TNIP3: variants seen among roughly 807,000 people sequenced by gnomAD.
The protein encoded by TNIP3 is TNFAIP3 interacting protein 3, also known as TNFAIP3-interacting protein 3.
TNIP3 carries 34 observed loss-of-function variants against 54.1 expected under a neutral mutation model. That is an observed-to-expected ratio of 0.63 (90% CI 0.48 to 0.84). TNIP3 has a LOEUF of 0.84. TNIP3 is among the 40% of genes least tolerant of loss of function. TNIP3 has a pLI of 0.00. For synonymous variants in TNIP3, 134 were observed against 136.8 expected, an observed-to-expected ratio of 0.98 and a Z score of 0.14; for missense variants, 366 against 387.6, an observed-to-expected ratio of 0.94 and a Z score of 0.47.
At chr4:121,222,916 C>T (rs538165584) in intron 1 of TNIP3, among the ~76,000 whole-genome samples, 31 of 150,184 alleles carry the variant, frequency 2.1e-4, no homozygotes, top group Admixed American at 1.0e-3. Flanking sequence ...CGCTATTCTC[C>T]TGCCTCAGCC....
At chr4:121,200,665 G>A (rs1725834982) in intron 2 of TNIP3, among the ~76,000 whole-genome samples, 1 of 152,068 alleles carries the variant, frequency 6.6e-6, no homozygotes, top group Non-Finnish European at 1.5e-5. Flanking sequence ...AAAGCTATTG[G>A]TTTAATGATC....
upstream of TNIP3, among the ~76,000 whole-genome samples, chr4:121,219,276 T>A (rs1037847849): frequency 2.6e-5 from 4 of 152,162 alleles, no homozygotes; most frequent in Non-Finnish European, 5.9e-5. Flanking sequence ...CCTCTGAAGC[T>A]AAAAGCAAAC....
chr4:121,161,873 T>G (rs995649868), intron 1 of TNIP3, among the ~76,000 whole-genome samples: 1 of 152,200 alleles, frequency 6.6e-6, no homozygotes, highest in Non-Finnish European at 1.5e-5. Context: ...GAGTATTCAT[T>G]TAAAGATAAC....
chr4:121,200,980 T>A (rs934267248), intron 2 of TNIP3, among the ~76,000 whole-genome samples: 13 of 152,134 alleles, frequency 8.5e-5, no homozygotes, highest in African/African-American at 2.9e-4. Flanking sequence ...CAATTTTTGG[T>A]AAGATACTCT....
chr4:121,147,059 A>G lies in TNIP3; in HGVS notation c.725T>C (p.Leu242Pro). The G allele has an allele frequency of 1.2e-6, 2 of 1,611,884 alleles. No homozygotes were observed. The highest frequency in any genetic ancestry group is 1.3e-5 in the African/African-American group (1 of 74,904). ...TGTTTTGACTTGTACCTGGGAATTC[A>G]GCCTGTTCAACTGGGATTGGGAAGT... Reference protein sequence around the residue: ...NETSQSQLNRLNSQIKACQME... With the variant: ...NETSQSQLNRPNSQIKACQME... The change falls in exon 7 of 11, where the codon CTG becomes CCG. Residue 242 changes from leucine to proline, a missense_variant. Transcript: ENST00000057513.
chr4:121,210,949 A>G (rs1726448628), intron 2 of TNIP3, among the ~76,000 whole-genome samples: 1 of 152,202 alleles, frequency 6.6e-6, no homozygotes, highest in Non-Finnish European at 1.5e-5. Context: ...AAAAAGAGAA[A>G]TCATCAAATG....
In TNIP3 at chr4:121,161,487, GT is replaced by G. The variant is rs1730453730; in HGVS notation, c.67-272del. Among the ~76,000 whole-genome samples the G allele has an allele frequency of 2.6e-5, 4 of 152,088 alleles. No homozygotes were observed. The South Asian group carries it at 6.3e-4, about 24-fold the overall frequency. On this transcript the variant is annotated intron_variant, in intron 1 of 10. Transcript: ENST00000057513. ...TAAATATATCTGTATACTATAACGG[GT>G]AAGTCAGAGATTAAAATTTTATGAA...
At chr4:121,154,216 T>G (rs1187235696) in intron 5 of TNIP3, 9 of 295,634 alleles carry the variant, frequency 3.0e-5, no homozygotes, top group Non-Finnish European at 5.7e-5. Context: ...AGGAAGCTTT[T>G]GCGGTTGACC....
In TNIP3 at chr4:121,223,882, A is replaced by T. The variant is rs967299327; in HGVS notation, c.3+3503T>A. 3.9e-5 allele frequency among the ~76,000 whole-genome samples: 6 copies of T among 152,250 alleles called. 1 individual carries two copies. Among genetic ancestry groups the T allele is most frequent in the Non-Finnish European group, 8.8e-5 (6 of 68,044 alleles). ...TATCAGAGACTATTCTTTCAAAAAA[A>T]CATACATTATTACTATTAAAATCAA... is the stretch of plus-strand genomic sequence containing the variant. On this transcript the variant is annotated intron_variant, in intron 1 of 12. Transcript: ENST00000509841.
chr4:121,142,372 G>C (rs570025388), intron 8 of TNIP3, among the ~76,000 whole-genome samples: 1 of 152,264 alleles, frequency 6.6e-6, no homozygotes, highest in East Asian at 1.9e-4. Flanking sequence ...GCTCAAGAAG[G>C]CATGTTATTT....
In TNIP3 at chr4:121,194,859, A is replaced by C. The variant is rs78433706; in HGVS notation, c.69-12063T>G. Among the ~76,000 whole-genome samples, 727 of 151,616 alleles carry C rather than the reference A, an allele frequency of 4.8e-3. 5 individuals are homozygous for C. Among genetic ancestry groups the C allele is most frequent in the African/African-American group, 0.016 (679 of 41,260 alleles). ...TATCCATGAACAATAGAAAAAAAAA[A>C]GTACACACACACACAGACTTCTTCT... On this transcript the variant is annotated intron_variant, in intron 2 of 12. Transcript: ENST00000507879.
intron 3 of TNIP3, among the ~76,000 whole-genome samples, chr4:121,173,939 C>T (rs1724143877): frequency 6.6e-6 from 1 of 152,178 alleles, no homozygotes; most frequent in African/African-American, 2.4e-5. Context: ...CCAATGTATG[C>T]ATTCTTGTAT....
intron 7 of TNIP3, among the ~76,000 whole-genome samples, chr4:121,144,952 G>A (rs1025896171): frequency 6.6e-6 from 1 of 152,184 alleles, no homozygotes; most frequent in Non-Finnish European, 1.5e-5. Context: ...TATTAGAGCA[G>A]GCAGGAACAC....
At chr4:121,171,744 T>G (rs1183408918) in intron 3 of TNIP3, among the ~76,000 whole-genome samples, 1 of 152,066 alleles carries the variant, frequency 6.6e-6, no homozygotes, top group Non-Finnish European at 1.5e-5. Flanking sequence ...TTTTGTTTTG[T>G]TTTTGAGATG....
At chr4:121,168,298 G>A (rs952983491), upstream of TNIP3, among the ~76,000 whole-genome samples, 22 of 150,268 alleles carry the variant, frequency 1.5e-4, no homozygotes, top group African/African-American at 5.4e-4. Context: ...CCTCCGCCTC[G>A]TGGGTTCAAG....
chr4:121,168,437 G>A (rs756517685), upstream of TNIP3, among the ~76,000 whole-genome samples: 12 of 151,782 alleles, frequency 7.9e-5, no homozygotes, highest in East Asian at 1.9e-4. Flanking sequence ...CTGACCTTGT[G>A]ATCCACCCGC....
chr4:121,223,287 A>G (rs1042492451), intron 1 of TNIP3, among the ~76,000 whole-genome samples: 5 of 152,230 alleles, frequency 3.3e-5, no homozygotes, highest in African/African-American at 1.2e-4. Flanking sequence ...AATTTATCAG[A>G]TATCTTTGCA....
intron 2 of TNIP3, among the ~76,000 whole-genome samples, chr4:121,207,970 A>T (rs960807839): frequency 1.3e-5 from 2 of 152,164 alleles, no homozygotes; most frequent in Admixed American, 6.5e-5. Flanking sequence ...TTGTGGTAGT[A>T]AATACGTCTC....
intron 4 of TNIP3, among the ~76,000 whole-genome samples, chr4:121,156,182 C>T (rs908579479): frequency 1.3e-5 from 2 of 152,222 alleles, no homozygotes; most frequent in Non-Finnish European, 2.9e-5. Flanking sequence ...GCGCGAATTT[C>T]AGACATTGCC....
Sources: gnomAD v4.1 joint callset for allele counts (sites outside exome capture counted in the v4.1 genomes callset) on GRCh38, gnomAD v4.1.1 for gene constraint, MANE v1.5 for transcripts, NCBI Gene and HGNC (gene_info 2026-07-23, HGNC 2026-07-21) for gene names.